The following ADGRV1 variants were observed in gnomAD, a reference collection of about 807,000 sequenced individuals.
The protein encoded by ADGRV1 is G-protein coupled receptor 98.
ADGRV1 carries 359 observed loss-of-function variants against 596.2 expected under a neutral mutation model. The observed-to-expected ratio is 0.60, with a 90% CI of 0.55 to 0.66. ADGRV1 has a LOEUF of 0.66. Ranked by LOEUF, ADGRV1 falls within the 30% of genes least tolerant of loss-of-function variation. The probability of loss-of-function intolerance (pLI) is 0.00; values close to 1 mark genes in which losing one functional copy is unlikely to be tolerated. For missense variants in ADGRV1, 7,274 were observed against 7,575.6 expected, an observed-to-expected ratio of 0.96 and a Z score of 1.48; for synonymous variants, 2,681 against 2,679.2, an observed-to-expected ratio of 1.00 and a Z score of -0.02.
chr5:90,685,574 C>A (rs1214997539), intron 28 of ADGRV1, among the ~76,000 whole-genome samples: 1 of 150,868 alleles, frequency 6.6e-6, no homozygotes, highest in Non-Finnish European at 1.5e-5. Context: ...GCACTCCAGC[C>A]TGCGTGGTAG....
intron 73 of ADGRV1, among the ~76,000 whole-genome samples, chr5:90,808,810 C>T (rs1419995481): frequency 1.3e-5 from 2 of 151,888 alleles, no homozygotes; most frequent in East Asian, 2.0e-4. Flanking sequence ...GCAGGAGAAT[C>T]GCTTGAGCCC....
chr5:90,924,478 G>GT (rs1247511540), intron 83 of ADGRV1, among the ~76,000 whole-genome samples: 1,942 of 145,890 alleles, frequency 0.013, 37 homozygotes, highest in African/African-American at 0.044. Context: ...TGAGGGGGTT[G>GT]TTTTTTTTTT....
chr5:90,823,730 A>G (rs945189958), intron 76 of ADGRV1, 134 bp downstream of exon 76: 30 of 731,946 alleles, frequency 4.1e-5, no homozygotes, highest in South Asian at 2.1e-5. Flanking sequence ...CATAATGTCT[A>G]AATCTCTTTG....
chr5:90,932,575 G>A lies in ADGRV1; in HGVS notation c.17857-32840G>A, dbSNP rs530278208. The stretch of plus-strand genomic sequence containing the variant: ...AAACACAATGTGTTTGATATCAAGT[G>A]TTCACTAAAAGTTCTACTATTACCT... On this transcript the variant is annotated intron_variant, in intron 83 of 89. Coordinates refer to ENST00000405460, the MANE Select transcript of ADGRV1 (RefSeq NM_032119.4). Among the ~76,000 whole-genome samples the A allele has an allele frequency of 2.4e-4, 36 of 152,250 alleles. 2 individuals are homozygous for A. In the South Asian group the frequency reaches 7.0e-3, roughly 30 times the overall value.
chr5:90,995,005 G>T (rs150254866), intron 85 of ADGRV1, among the ~76,000 whole-genome samples: 423 of 152,228 alleles, frequency 2.8e-3, no homozygotes, highest in African/African-American at 9.8e-3. Context: ...GAGAGTCTAG[G>T]GCCTTCTCAG....
chr5:90,692,596 T>C lies in ADGRV1; in HGVS notation c.6952-9T>C. On this transcript the variant is annotated splice_polypyrimidine_tract_variant and intron_variant, in intron 31 of 89. Transcript: ENST00000405460. ...GATGCTGTTAAGGAAGTTTTCACTG[T>C]ATTTTTAGGTTATCCAAGTGCAACT... 6.3e-7 allele frequency: 1 copy of C among 1,596,044 alleles called. No individual in the cohort carries two copies. The highest frequency in any genetic ancestry group is 1.1e-5 in the South Asian group (1 of 87,130).
intron 89 of ADGRV1, among the ~76,000 whole-genome samples, chr5:91,162,422 G>C (rs1317149996): frequency 6.6e-6 from 1 of 152,112 alleles, no homozygotes; most frequent in Non-Finnish European, 1.5e-5. Flanking sequence ...GCATAAGAAC[G>C]TCGTGTGAAA....
rs538441565 is a variant in ADGRV1, at chr5:90,834,788, C to A, written c.16611+5602C>A. Among the ~76,000 whole-genome samples, 42 of 150,944 alleles carry A rather than the reference C, an allele frequency of 2.8e-4. 1 individual carries two copies. The highest frequency in any genetic ancestry group is 1.0e-3 in the African/African-American group (42 of 41,180). ...TAAGGCCAATACCTCTTGGAGTTGG[C>A]CTTTGGATGATATTTATAGATCTTG... On this transcript the variant is annotated intron_variant, in intron 77 of 89. Transcript: ENST00000405460.
rs753319018 is a variant in ADGRV1, at chr5:91,150,104, G to C, written c.18507G>C (p.Val6169=). Reference sequence around the variant, plus strand: ...GCCCTATGAAGGCCAGTTACACTGTGGAAATGAATGGGCATCCTGGACCCA... The same window carrying C: ...GCCCTATGAAGGCCAGTTACACTGTCGAAATGAATGGGCATCCTGGACCCA... ...MCCPMKASYT[V]EMNGHPGPST... The change falls in exon 88 of 90, where the codon GTG becomes GTC. Residue 6169 remains valine (V), a synonymous_variant. Coordinates refer to ENST00000405460, the MANE Select transcript of ADGRV1 (RefSeq NM_032119.4). 5.1e-6 allele frequency: 8 copies of C among 1,572,284 alleles called. No individual in the cohort carries two copies. In the African/African-American group the frequency reaches 1.1e-4, roughly 21 times the overall value.
chr5:91,107,432 T>TGTTTTG (rs1489296688), intron 87 of ADGRV1, among the ~76,000 whole-genome samples: 1 of 37,340 alleles, frequency 2.7e-5, no homozygotes, highest in African/African-American at 4.7e-5. Flanking sequence ...GTTTTGTTTT[T>TGTTTTG]GTTTTTGTTT....
intron 70 of ADGRV1, 53 bp downstream of exon 70, chr5:90,791,399 G>C (rs1760063623): frequency 7.7e-7 from 1 of 1,296,182 alleles, no homozygotes; most frequent in South Asian, 1.5e-5. Flanking sequence ...CCTTTCAGGA[G>C]TGCCCATGCT....
In ADGRV1 at chr5:90,679,562, T is replaced by G. The variant is rs1392515661; in HGVS notation, c.5457T>G (p.Phe1819Leu). 1 of 1,613,316 alleles carries G rather than the reference T, an allele frequency of 6.2e-7. No individual in the cohort carries two copies. The highest frequency in any genetic ancestry group is 1.7e-5 in the Admixed American group (1 of 59,988). Residue 1819 changes from phenylalanine to leucine, a missense_variant, in exon 26 of 90, where the codon TTT becomes TTG. Physicochemically the swap from Phe to Leu is conservative, Grantham distance 22. Coordinates refer to ENST00000405460, the MANE Select transcript of ADGRV1 (RefSeq NM_032119.4). ...LNLEGGVAEL[F>L]RVDGSGSGDG... is the part of the protein sequence containing the mutation. ...CTCCTTGTGAAGTAGCTGAACTCTT[T>G]AGGGTTGATGGAAGTGGTAGTGGTG... is the stretch of plus-strand genomic sequence containing the variant.
At chr5:90,786,540 G>A (rs1047684907) in intron 67 of ADGRV1, among the ~76,000 whole-genome samples, 6 of 152,162 alleles carry the variant, frequency 3.9e-5, no homozygotes, top group Admixed American at 3.3e-4. Context: ...AGCTGGTGGG[G>A]CAGCATAGGA....
intron 84 of ADGRV1, among the ~76,000 whole-genome samples, chr5:90,979,758 A>G (rs1184515144): frequency 6.6e-6 from 1 of 152,234 alleles, no homozygotes; most frequent in Admixed American, 6.5e-5. Flanking sequence ...ATGAATAACT[A>G]AAAATGTAAC....
chr5:91,021,795 A>G (rs1783652395), intron 85 of ADGRV1, among the ~76,000 whole-genome samples: 2 of 152,056 alleles, frequency 1.3e-5, no homozygotes, highest in Admixed American at 6.6e-5. Flanking sequence ...TATGAATTTT[A>G]TTTCAAAAGA....
chr5:90,847,377 C>T (rs757308015), intron 78 of ADGRV1, among the ~76,000 whole-genome samples: 46 of 152,088 alleles, frequency 3.0e-4, no homozygotes, highest in Non-Finnish European at 5.0e-4. Context: ...TACAGAGTGC[C>T]GATTGGTGTA....
chr5:90,596,110 T>C (rs173661), intron 1 of ADGRV1, among the ~76,000 whole-genome samples: 89,360 of 141,246 alleles, frequency 0.63, 28,663 homozygotes, highest in African/African-American at 0.79. Flanking sequence ...AACTCCCAGA[T>C]GGGGTGGCGG....
chr5:90,663,061 G>A (rs1265735078), intron 21 of ADGRV1, among the ~76,000 whole-genome samples: 11 of 149,142 alleles, frequency 7.4e-5, no homozygotes, highest in East Asian at 2.0e-4. Flanking sequence ...GAATAATGCC[G>A]CAATAAACAT....
chr5:91,048,583 C>T (rs1786038361), intron 85 of ADGRV1, among the ~76,000 whole-genome samples: 1 of 152,150 alleles, frequency 6.6e-6, no homozygotes, highest in African/African-American at 2.4e-5. Context: ...TCTCTTTTTC[C>T]TATACAAGTG....
Sources: allele counts gnomAD v4.1 joint callset (sites outside exome capture counted in the v4.1 genomes callset), GRCh38; gene constraint gnomAD v4.1.1; transcripts MANE v1.5; gene names NCBI Gene and HGNC (gene_info 2026-07-23, HGNC 2026-07-21).